Variants in CDK14 observed in about 807,000 individuals in gnomAD.
CDK14 encodes cyclin-dependent kinase 14.
In CDK14, 34 loss-of-function variants were observed where a neutral mutation model predicts 60.7. That is an observed-to-expected ratio of 0.56 (90% CI 0.43 to 0.75). CDK14 has a LOEUF of 0.75. Among genes scored for constraint, CDK14 ranks in the 30% least tolerant of loss-of-function variants. The probability of loss-of-function intolerance (pLI) is 0.00; values close to 1 mark genes in which losing one functional copy is unlikely to be tolerated. For missense variants in CDK14, 482 were observed against 564.1 expected, an observed-to-expected ratio of 0.85 and a Z score of 1.47; for synonymous variants, 197 against 203.7, an observed-to-expected ratio of 0.97 and a Z score of 0.28.
At chr7:91,191,740 T>A (rs1310824869) in intron 14 of CDK14, among the ~76,000 whole-genome samples, 2 of 152,016 alleles carry the variant, frequency 1.3e-5, no homozygotes, top group Non-Finnish European at 2.9e-5. Flanking sequence ...TTGCATTTGA[T>A]CAGGTGGAGA....
chr7:90,885,711 T>C (rs1041813436), intron 6 of CDK14, among the ~76,000 whole-genome samples: 1 of 152,182 alleles, frequency 6.6e-6, no homozygotes, highest in Non-Finnish European at 1.5e-5. Context: ...GTGGCACATA[T>C]ACACCATGGA....
At chr7:90,918,593 G>A (rs527523215) in intron 8 of CDK14, among the ~76,000 whole-genome samples, 27 of 152,336 alleles carry the variant, frequency 1.8e-4, no homozygotes, top group African/African-American at 5.8e-4. Flanking sequence ...GCAGCATAAC[G>A]TGTTGACATT....
chr7:90,853,173 T>C (rs1225597295), intron 5 of CDK14, among the ~76,000 whole-genome samples: 1 of 152,144 alleles, frequency 6.6e-6, no homozygotes, highest in Non-Finnish European at 1.5e-5. Context: ...TTTAGAATTG[T>C]AGTGGGATTG....
At chr7:90,691,713 C>G (rs759845459) in intron 2 of CDK14, among the ~76,000 whole-genome samples, 9 of 152,168 alleles carry the variant, frequency 5.9e-5, no homozygotes, top group South Asian at 2.1e-4. Context: ...CAGTGAGAGG[C>G]ACCTACAATA....
At chr7:90,773,903 CTTTTTTTTT>C (rs66713333) in intron 4 of CDK14, among the ~76,000 whole-genome samples, 2 of 80,408 alleles carry the variant, frequency 2.5e-5, no homozygotes, top group Admixed American at 1.6e-4. Flanking sequence ...TCTTTTCTTT[CTTTTTTTTT>C]TTTTTTTTTG....
At chr7:91,085,347 C>G (rs928276132) in intron 12 of CDK14, among the ~76,000 whole-genome samples, 2 of 152,144 alleles carry the variant, frequency 1.3e-5, no homozygotes, top group Non-Finnish European at 2.9e-5. Context: ...TCCACCCGCT[C>G]AACGCCTCCT....
intron 10 of CDK14, among the ~76,000 whole-genome samples, chr7:91,012,247 T>A (rs912762635): frequency 3.3e-5 from 5 of 152,206 alleles, no homozygotes; most frequent in Non-Finnish European, 7.4e-5. Flanking sequence ...GATTTCCTAC[T>A]CTGGCCATGG....
At chr7:90,669,782 A>G (rs1801061468) in intron 2 of CDK14, among the ~76,000 whole-genome samples, 1 of 152,204 alleles carries the variant, frequency 6.6e-6, no homozygotes, top group Admixed American at 6.5e-5. Context: ...AAGATATAAG[A>G]AGATATTTTC....
At chr7:91,046,769 A>G (rs376023091) in intron 11 of CDK14, among the ~76,000 whole-genome samples, 58 of 152,274 alleles carry the variant, frequency 3.8e-4, no homozygotes, top group African/African-American at 1.3e-3. Flanking sequence ...AAGGGATTTT[A>G]TAGAAGCTCT....
chr7:91,023,020 T>A lies in CDK14; in HGVS notation c.1042-22877T>A, dbSNP rs1006338386. Reference sequence around the variant, plus strand: ...TCAAGCCTTTGAAGTATATATTTTTTTTTTTTCGTCTAATGAAACAACTGA... The same window carrying A: ...TCAAGCCTTTGAAGTATATATTTTTATTTTTTCGTCTAATGAAACAACTGA... On this transcript the variant is annotated intron_variant, in intron 10 of 14. Coordinates refer to ENST00000380050, the MANE Select transcript of CDK14 (RefSeq NM_001287135.2). 7.3e-4 allele frequency among the ~76,000 whole-genome samples: 111 copies of A among 151,950 alleles called. 1 individual carries two copies. The highest frequency in any genetic ancestry group is 3.4e-4 in the Non-Finnish European group (23 of 67,952).
At chr7:91,206,717 T>C (rs1189531028) in intron 14 of CDK14, among the ~76,000 whole-genome samples, 1 of 152,214 alleles carries the variant, frequency 6.6e-6, no homozygotes, top group Non-Finnish European at 1.5e-5. Context: ...CAAGGAATTA[T>C]ATACAGCTGA....
chr7:91,144,863 A>G (rs557229062), intron 14 of CDK14, among the ~76,000 whole-genome samples: 46 of 152,212 alleles, frequency 3.0e-4, no homozygotes, highest in Non-Finnish European at 3.2e-4. Context: ...AACTTCTAGC[A>G]TTTTGTTGCT....
intron 6 of CDK14, among the ~76,000 whole-genome samples, chr7:90,896,997 A>G (rs537239133): frequency 1.2e-4 from 19 of 152,160 alleles, no homozygotes; most frequent in Non-Finnish European, 2.6e-4. Flanking sequence ...TATCCTTTAT[A>G]GCTTTACTTT....
intron 4 of CDK14, among the ~76,000 whole-genome samples, chr7:90,760,756 A>G (rs893389387): frequency 2.6e-5 from 4 of 152,236 alleles, no homozygotes; most frequent in African/African-American, 9.6e-5. Flanking sequence ...ATTACAATGT[A>G]TAACAGGATA....
intron 12 of CDK14, among the ~76,000 whole-genome samples, chr7:91,106,481 TTAAA>T (rs1330483650): frequency 2.6e-5 from 4 of 152,092 alleles, no homozygotes; most frequent in Admixed American, 1.3e-4. Flanking sequence ...AGAAAGGTGA[TTAAA>T]TAAATTAGTA....
chr7:91,118,797 G>A (rs764343358), intron 14 of CDK14, among the ~76,000 whole-genome samples: 13 of 152,118 alleles, frequency 8.5e-5, no homozygotes, highest in Admixed American at 2.0e-4. Context: ...CTCCTGGTAC[G>A]GACCTTATCA....
At chr7:90,972,639 T>C (rs1404739312) in intron 9 of CDK14, among the ~76,000 whole-genome samples, 1 of 152,238 alleles carries the variant, frequency 6.6e-6, no homozygotes. Flanking sequence ...GGTTAATTAA[T>C]GTGGAAGCAT....
At chr7:90,800,544 A>T (rs1347438375) in intron 5 of CDK14, among the ~76,000 whole-genome samples, 2 of 152,006 alleles carry the variant, frequency 1.3e-5, no homozygotes, top group Non-Finnish European at 2.9e-5. Context: ...TTCTTTTTTA[A>T]TGTTATAGCC....
intron 8 of CDK14, among the ~76,000 whole-genome samples, chr7:90,950,840 A>G (rs919138881): frequency 6.6e-6 from 1 of 152,214 alleles, no homozygotes; most frequent in African/African-American, 2.4e-5. Flanking sequence ...GGAGTCATTC[A>G]GGGAAACCTT....
Sources: gnomAD v4.1 joint callset for allele counts (sites outside exome capture counted in the v4.1 genomes callset) on GRCh38, gnomAD v4.1.1 for gene constraint, MANE v1.5 for transcripts, NCBI Gene and HGNC (gene_info 2026-07-23, HGNC 2026-07-21) for gene names.